The following SLC12A7 variants were observed in gnomAD, a reference collection of about 807,000 sequenced individuals.
The protein encoded by SLC12A7 is K-Cl cotransporter 4.
SLC12A7 carries 100 observed loss-of-function variants against 120.6 expected under a neutral mutation model. The observed-to-expected ratio is 0.83, with a 90% CI of 0.71 to 0.98. SLC12A7 has a LOEUF of 0.98. Ranked by LOEUF, SLC12A7 falls within the 50% of genes least tolerant of loss-of-function variation. The pLI, the probability that SLC12A7 is intolerant of heterozygous loss-of-function variation, is 0.00. For synonymous variants in SLC12A7, 760 were observed against 678.0 expected, an observed-to-expected ratio of 1.12 and a Z score of -1.88; for missense variants, 1,373 against 1,548.1, an observed-to-expected ratio of 0.89 and a Z score of 1.90.
intron 3 of SLC12A7, among the ~76,000 whole-genome samples, chr5:1,093,273 A>G (rs1241437391): frequency 1.3e-5 from 2 of 152,114 alleles, no homozygotes; most frequent in African/African-American, 2.4e-5. Flanking sequence ...AAACACCCCA[A>G]GTTCATTTCT....
At chr5:1,079,345 G>A in intron 10 of SLC12A7, 53 bp downstream of exon 10, 3 of 1,422,842 alleles carry the variant, frequency 2.1e-6, no homozygotes, top group South Asian at 1.1e-5. Flanking sequence ...AGGGCATGGG[G>A]GCCTCCCCCC....
chr5:1,113,510 G>A (rs1324968081), upstream of SLC12A7, among the ~76,000 whole-genome samples: 3 of 152,186 alleles, frequency 2.0e-5, no homozygotes, highest in South Asian at 2.1e-4. Flanking sequence ...CTCCTGGAAC[G>A]TCGCCCATCC....
intron 22 of SLC12A7, among the ~76,000 whole-genome samples, chr5:1,054,287 G>A (rs979427296): frequency 4.6e-5 from 7 of 152,242 alleles, no homozygotes; most frequent in Non-Finnish European, 7.3e-5. Flanking sequence ...TGCTGTGGCC[G>A]GTCCATGTCT....
chr5:1,052,309 G>T lies in SLC12A7; in HGVS notation c.*51C>A. 3 of 1,484,942 alleles carry T rather than the reference G, an allele frequency of 2.0e-6. No homozygotes were observed. The highest frequency in any genetic ancestry group is 2.8e-6 in the Non-Finnish European group (3 of 1,064,182). 92.0% of individuals were successfully genotyped at this position (1,484,942 alleles called of 1,614,324 possible). Reference sequence around the variant, plus strand: ...CCTGGGCCAAGCCCAGGCCCAGGCTGCCCACGCCGTCCTCCGTGCCTGTCC... The same window carrying T: ...CCTGGGCCAAGCCCAGGCCCAGGCTTCCCACGCCGTCCTCCGTGCCTGTCC... On this transcript the variant is annotated 3_prime_UTR_variant, in exon 24 of 24. Transcript: ENST00000264930.
intron 6 of SLC12A7, 60 bp downstream of exon 6, chr5:1,086,843 G>GC: frequency 6.3e-7 from 1 of 1,589,984 alleles, no homozygotes; most frequent in South Asian, 1.1e-5. Context: ...GTCAGGCAGG[G>GC]CCCCTTGGCA....
rs368580714 is a variant in SLC12A7 at position 1,065,420 on chromosome 5, G to A, written c.2300C>T (p.Ser767Leu). ...KTKGFCQLVV[S>L]SSLRDGMSHL... ...GGACATGCCATCCCGCAGGCTGGAC[G>A]AGACCACCAGCTGGCAGAAGCCCTT... is the stretch of plus-strand genomic sequence containing the variant. The change falls in exon 18 of 24, where the codon TCG (serine) becomes TTG (leucine). Residue 767 changes from serine to leucine, a missense_variant. Coordinates refer to ENST00000264930, the MANE Select transcript of SLC12A7 (RefSeq NM_006598.3). 3.4e-5 allele frequency: 55 copies of A among 1,611,858 alleles called. No homozygotes were observed. Among genetic ancestry groups the A allele is most frequent in the Non-Finnish European group, 4.4e-5 (52 of 1,179,306 alleles).
the SLC12A7 span, among the ~76,000 whole-genome samples, chr5:1,138,229 T>C: frequency 6.6e-6 from 1 of 152,166 alleles, no homozygotes; most frequent in African/African-American, 2.4e-5. Flanking sequence ...ATCATTGAAA[T>C]GAACCCCAGG....
At position 1,089,102 on chromosome 5, in the gene SLC12A7, G is replaced by A. The variant is rs776519923; in HGVS notation, c.369C>T (p.Gly123=). 40 of 1,612,806 alleles carry A rather than the reference G, an allele frequency of 2.5e-5. No individual in the cohort carries two copies. Among genetic ancestry groups the A allele is most frequent in the Non-Finnish European group, 2.8e-5 (33 of 1,179,968 alleles). ...AKAPRMGTFI[G]VYLPCLQNIL... The stretch of plus-strand genomic sequence containing the variant: ...TGTTCTGCAGGCACGGCAGGTAGAC[G>A]CCGATGAAGGTGCCCATGCGCGGAG... The change falls in exon 4 of 24, where the codon GGC becomes GGT. Residue 123 remains glycine (G), a synonymous_variant. Transcript: ENST00000264930.
At chr5:1,148,732 C>T in the SLC12A7 span, among the ~76,000 whole-genome samples, 49 of 152,312 alleles carry the variant, frequency 3.2e-4, no homozygotes, top group African/African-American at 1.1e-3. Flanking sequence ...CGGTTGACAT[C>T]GGGTTCCCTC....
intron 7 of SLC12A7, 113 bp downstream of exon 7, chr5:1,085,119 C>G: frequency 7.0e-7 from 1 of 1,433,366 alleles, no homozygotes; most frequent in South Asian, 1.4e-5. Flanking sequence ...CACACCCAGC[C>G]CACCCCTTGC....
At chr5:1,111,727 A>AG in intron 1 of SLC12A7, 141 bp downstream of exon 1, 1 of 866,058 alleles carries the variant, frequency 1.2e-6, no homozygotes, top group Non-Finnish European at 1.5e-6. Flanking sequence ...CTCGTGGGGG[A>AG]CCGAGAACAG....
In SLC12A7 at chr5:1,078,768, T is replaced by C. The variant is rs1275611120; in HGVS notation, c.1397-10A>G. 6.3e-7 allele frequency: 1 copy of C among 1,596,096 alleles called. No homozygotes were observed. On this transcript the variant is annotated splice_polypyrimidine_tract_variant and intron_variant, in intron 10 of 23. Transcript: ENST00000264930. Reference sequence around the variant, plus strand: ...ACAATGCAGGAGAGATCCACAGCCCTCGTCAAGGAAAGGCAGGTCCGTGGG... The same window carrying C: ...ACAATGCAGGAGAGATCCACAGCCCCCGTCAAGGAAAGGCAGGTCCGTGGG...
chr5:1,052,081 G>A lies in SLC12A7; in HGVS notation c.*279C>T. 2.1e-6 allele frequency: 1 copy of A among 482,654 alleles called. No homozygotes were observed. Among genetic ancestry groups the A allele is most frequent in the Non-Finnish European group, 3.7e-6 (1 of 273,114 alleles). The allele number at this position is 482,654 out of a possible 1,614,324, so 29.9% of individuals were successfully genotyped here. The stretch of plus-strand genomic sequence containing the variant: ...CTCACTGGCTTCTTGTGACCTGCGA[G>A]AAGATCTGGCCACGTCCAGGTCACT... On this transcript the variant is annotated 3_prime_UTR_variant, in exon 24 of 24. Coordinates refer to ENST00000264930, the MANE Select transcript of SLC12A7 (RefSeq NM_006598.3).
rs1313313005 is a variant in SLC12A7 at position 1,089,006 on chromosome 5, G to T, written c.465C>A (p.Leu155=). ...CACATGTGCAGCACATGGCCACGAT[G>T]AGGAAGGACTCCAGGACACCAGCCA... The part of the protein sequence containing the change: ...VGVAGVLESF[L]IVAMCCTCTM... Residue 155 remains leucine (L), a synonymous_variant, in exon 4 of 24, where the codon CTC becomes CTA. Transcript: ENST00000264930. 1.2e-6 allele frequency: 2 copies of T among 1,612,970 alleles called. No individual in the cohort carries two copies.
At chr5:1,054,696 T>C (rs4975570) in intron 22 of SLC12A7, among the ~76,000 whole-genome samples, 142,869 of 152,128 alleles carry the variant, frequency 0.94, 67,749 homozygotes, top group East Asian at 1. Context: ...TGCAGGGTCA[T>C]GGAGAGGCCC....
rs755897167 is a variant in SLC12A7 at position 1,093,553 on chromosome 5, T to C, written c.322A>G (p.Ser108Gly). ...GVVEHEEDEE[S>G]RRREAKAPRM... ...AGTACCTTGGCCTCCCGCCGCCGGC[T>C]CTCCTCGTCCTCCTCGTGCTCCACC... The change falls in exon 3 of 24, where the codon AGC becomes GGC. Residue 108 changes from serine to glycine, a missense_variant. Ser to Gly is a moderately conservative substitution (Grantham distance 56, BLOSUM62 0). Coordinates refer to ENST00000264930, the MANE Select transcript of SLC12A7 (RefSeq NM_006598.3). 5.6e-6 allele frequency: 9 copies of C among 1,600,418 alleles called. No homozygotes were observed. The highest frequency in any genetic ancestry group is 7.7e-6 in the Non-Finnish European group (9 of 1,174,708).
In SLC12A7 at chr5:1,051,258, C is replaced by A. The variant is rs1444166344; in HGVS notation, c.*1102G>T. 1 of 249,034 alleles carries A rather than the reference C, an allele frequency of 4.0e-6. No homozygotes were observed. Among genetic ancestry groups the A allele is most frequent in the Non-Finnish European group, 7.6e-6 (1 of 131,816 alleles). The allele number at this position is 249,034 out of a possible 1,614,324, so 15.4% of individuals were successfully genotyped here. A position where few individuals can be genotyped will look rare whatever the true frequency, so the allele number is the denominator to read the frequency against. ...GACGCCCGGGACTCAGCCAGACAGA[C>A]CTGACACCAGGCGCCACTGCTGCCT... On this transcript the variant is annotated 3_prime_UTR_variant, in exon 24 of 24. Transcript: ENST00000264930.
At chr5:1,124,671 G>T in the SLC12A7 span, among the ~76,000 whole-genome samples, 7 of 152,146 alleles carry the variant, frequency 4.6e-5, no homozygotes, top group Non-Finnish European at 1.0e-4. Flanking sequence ...GGAGGCCCTG[G>T]AGTCCCTGAT....
At chr5:1,073,571 G>C (rs1373178740) in intron 17 of SLC12A7, 62 bp downstream of exon 17, 2 of 1,517,512 alleles carry the variant, frequency 1.3e-6, no homozygotes, top group South Asian at 1.2e-5. Flanking sequence ...ACATGCCAGG[G>C]CACGTTTCCT....
Sources: allele counts gnomAD v4.1 joint callset (sites outside exome capture counted in the v4.1 genomes callset), GRCh38; gene constraint gnomAD v4.1.1; transcripts MANE v1.5; gene names NCBI Gene and HGNC (gene_info 2026-07-23, HGNC 2026-07-21).